Variants in CLINT1 observed in about 807,000 individuals in gnomAD.
CLINT1 encodes clathrin interacting protein localized in the trans-Golgi region.
Under a neutral mutation model 70.4 loss-of-function variants are expected in CLINT1, and 15 were observed. That is an observed-to-expected ratio of 0.21 (90% confidence interval 0.14 to 0.33). The LOEUF is 0.33. CLINT1 is among the 10% of genes least tolerant of loss of function. The pLI is 1.00. For synonymous variants in CLINT1, 227 were observed against 254.7 expected, an observed-to-expected ratio of 0.89 and a Z score of 1.04; for missense variants, 615 against 778.1, an observed-to-expected ratio of 0.79 and a Z score of 2.49.
intron 1 of CLINT1, among the ~76,000 whole-genome samples, chr5:157,857,821 T>C (rs1037056180): frequency 6.6e-6 from 1 of 152,242 alleles, no homozygotes; most frequent in Non-Finnish European, 1.5e-5. Flanking sequence ...AAGTTCTATC[T>C]GATGTATCAG....
At chr5:157,846,797 C>A (rs1428223563) in intron 1 of CLINT1, among the ~76,000 whole-genome samples, 1 of 152,138 alleles carries the variant, frequency 6.6e-6, no homozygotes, top group Non-Finnish European at 1.5e-5. Context: ...TATGAAAATC[C>A]TGGGGCCCTT....
chr5:157,801,590 C>T (rs1286137895), intron 8 of CLINT1, among the ~76,000 whole-genome samples: 11 of 149,974 alleles, frequency 7.3e-5, no homozygotes. Flanking sequence ...CCCAGCACTT[C>T]GGGAGGCTGA....
chr5:157,822,068 C>T lies in CLINT1; in HGVS notation c.42-4521G>A, dbSNP rs577141105. 9.0e-4 allele frequency among the ~76,000 whole-genome samples: 137 copies of T among 152,174 alleles called. No individual in the cohort carries two copies. The Middle Eastern group carries it at 0.02, about 23-fold the overall frequency. On this transcript the variant is annotated intron_variant, in intron 1 of 11. Coordinates refer to ENST00000411809, the MANE Select transcript of CLINT1 (RefSeq NM_014666.4). Reference sequence around the variant, plus strand: ...TGCTTTGATATGGTTTGGCTGTGTCCCCACCCAAATCTCATCTTGAATTGT... The same window carrying T: ...TGCTTTGATATGGTTTGGCTGTGTCTCCACCCAAATCTCATCTTGAATTGT...
intron 1 of CLINT1, among the ~76,000 whole-genome samples, chr5:157,829,873 A>G (rs1186983): frequency 0.13 from 20,308 of 151,668 alleles, 1,785 homozygotes; most frequent in African/African-American, 0.25. Flanking sequence ...CTTTTGTGAC[A>G]ACTTATCCTT....
intron 1 of CLINT1, among the ~76,000 whole-genome samples, chr5:157,847,860 C>A (rs532915116): frequency 1.3e-5 from 2 of 152,066 alleles, no homozygotes; most frequent in African/African-American, 4.8e-5. Context: ...TTGCCCAGGC[C>A]GGAGTACAGT....
intron 1 of CLINT1, among the ~76,000 whole-genome samples, chr5:157,840,095 T>A (rs941066997): frequency 2.1e-5 from 3 of 145,058 alleles, no homozygotes; most frequent in African/African-American, 7.8e-5. Context: ...CTCAGGAGGT[T>A]AAGGCAGGAG....
intron 1 of CLINT1, among the ~76,000 whole-genome samples, chr5:157,858,325 A>C (rs1198455614): frequency 6.6e-6 from 1 of 152,240 alleles, no homozygotes; most frequent in Non-Finnish European, 1.5e-5. Flanking sequence ...TACTTTCACT[A>C]GTGTTAGAAA....
At chr5:157,853,304 T>A (rs1026377668) in intron 1 of CLINT1, among the ~76,000 whole-genome samples, 15 of 148,564 alleles carry the variant, frequency 1.0e-4, no homozygotes, top group African/African-American at 3.5e-4. Flanking sequence ...GATCACACCA[T>A]GGCACTCCAG....
At position 157,827,450 on chromosome 5, in the gene CLINT1, A is replaced by G. The variant is rs888001035; in HGVS notation, c.42-9903T>C. ...CAAAAAATATAGGGACTGATCCAAA[A>G]CAAAAAAAATATTTAAACCAGGATA... On this transcript the variant is annotated intron_variant, in intron 1 of 11. Transcript: ENST00000411809. 3.9e-5 allele frequency among the ~76,000 whole-genome samples: 6 copies of G among 152,302 alleles called. No individual in the cohort carries two copies. The East Asian group carries it at 1.2e-3, about 29-fold the overall frequency.
chr5:157,793,136 C>G (rs1416786204), intron 9 of CLINT1, among the ~76,000 whole-genome samples: 1 of 151,850 alleles, frequency 6.6e-6, no homozygotes, highest in Admixed American at 6.6e-5. Flanking sequence ...CTTAGAAACT[C>G]CAAGTTCTAC....
chr5:157,822,977 T>C (rs1473273140), intron 1 of CLINT1, among the ~76,000 whole-genome samples: 2 of 152,186 alleles, frequency 1.3e-5, no homozygotes, highest in East Asian at 3.8e-4. Context: ...GTGAAACAGA[T>C]TGAGAAGTAT....
intron 1 of CLINT1, among the ~76,000 whole-genome samples, chr5:157,834,215 A>T (rs1054982132): frequency 1.3e-5 from 2 of 151,622 alleles, no homozygotes; most frequent in African/African-American, 4.8e-5. Context: ...ATACAAAAAA[A>T]GTTAGCCAGG....
At position 157,835,927 on chromosome 5, in the gene CLINT1, C is replaced by T. The variant is rs376389534; in HGVS notation, c.42-18380G>A. ...ACATACTTCAAAAACATGAAAACTT[C>T]TCCTACCCATGCTGAGTGTAAACTA... On this transcript the variant is annotated intron_variant, in intron 1 of 11. Coordinates refer to ENST00000411809, the MANE Select transcript of CLINT1 (RefSeq NM_014666.4). Among the ~76,000 whole-genome samples, 26 of 152,334 alleles carry T rather than the reference C, an allele frequency of 1.7e-4. No individual in the cohort carries two copies. The East Asian group carries it at 3.9e-3, about 23-fold the overall frequency.
intron 1 of CLINT1, among the ~76,000 whole-genome samples, chr5:157,839,494 A>G (rs1488585879): frequency 1.3e-5 from 2 of 152,008 alleles, no homozygotes; most frequent in Non-Finnish European, 2.9e-5. Context: ...AATCCCAGCT[A>G]CTTGAGAGGC....
In CLINT1 at chr5:157,852,487, C is replaced by T. The variant is rs1174680361; in HGVS notation, c.41+6443G>A. Reference sequence around the variant, plus strand: ...ATAACCTAGTCTGACAATGATATCTCTATTTTCACAAACACTGTATTCCTT... The same window carrying T: ...ATAACCTAGTCTGACAATGATATCTTTATTTTCACAAACACTGTATTCCTT... On this transcript the variant is annotated intron_variant, in intron 1 of 11. Coordinates refer to ENST00000411809, the MANE Select transcript of CLINT1 (RefSeq NM_014666.4). Among the ~76,000 whole-genome samples, 3 of 152,182 alleles carry T rather than the reference C, an allele frequency of 2.0e-5. No homozygotes were observed. The East Asian group carries it at 5.8e-4, about 29-fold the overall frequency.
chr5:157,809,224 C>T (rs1199172986), intron 6 of CLINT1: 1 of 153,684 alleles, frequency 6.5e-6, no homozygotes, highest in Non-Finnish European at 1.4e-5. Flanking sequence ...ATATTTATGG[C>T]AGTGAAACTA....
chr5:157,809,689 T>C lies in CLINT1; in HGVS notation c.634A>G (p.Ile212Val). 1 of 1,613,466 alleles carries C rather than the reference T, an allele frequency of 6.2e-7. No individual in the cohort carries two copies. The highest frequency in any genetic ancestry group is 8.5e-7 in the Non-Finnish European group (1 of 1,179,652). The change falls in exon 6 of 12, where the codon ATT (isoleucine) becomes GTT (valine). Residue 212 changes from isoleucine to valine, a missense_variant. Around this residue, in one of 2 missense-constraint regions of CLINT1, gnomAD observed 241 missense variants for 368.6 expected, o/e 0.65. Transcript: ENST00000411809. The stretch of plus-strand genomic sequence containing the variant: ...CGGAACTTGCTGATGGTGTCATCAA[T>C]TGTGCTTCCAATTTTATCACTCAGC... ...GELSDKIGST[I>V]DDTISKFRRK... is the part of the protein sequence containing the mutation.
chr5:157,843,510 A>AT (rs1753263169), intron 1 of CLINT1, among the ~76,000 whole-genome samples: 1 of 152,224 alleles, frequency 6.6e-6, no homozygotes, highest in Non-Finnish European at 1.5e-5. Flanking sequence ...TTCTCTTAAC[A>AT]GACCTGGAAG....
At chr5:157,819,960 G>C (rs1762831038) in intron 1 of CLINT1, among the ~76,000 whole-genome samples, 1 of 152,206 alleles carries the variant, frequency 6.6e-6, no homozygotes, top group Admixed American at 6.5e-5. Context: ...AGGCCTGTGT[G>C]AGTGCTGTGT....
Sources: gnomAD v4.1 joint callset for allele counts (sites outside exome capture counted in the v4.1 genomes callset) on GRCh38, gnomAD v4.1.1 for gene constraint, gnomAD v4.1.1 regional missense constraint, MANE v1.5 for transcripts, NCBI Gene and HGNC (gene_info 2026-07-23, HGNC 2026-07-21) for gene names.